ACOX3: variants seen among roughly 807,000 people sequenced by gnomAD.
The protein encoded by ACOX3 is peroxisomal acyl-coenzyme A oxidase 3.
A neutral mutation model predicts 81.5 loss-of-function variants in ACOX3; 73 were observed. The observed-to-expected ratio is 0.90, with a 90% confidence interval of 0.74 to 1.09. ACOX3 has a LOEUF of 1.09. ACOX3 is among the 50% of genes least tolerant of loss of function. ACOX3 has a pLI of 0.00. For synonymous variants in ACOX3, 387 were observed against 375.1 expected (o/e 1.03, Z -0.37); for missense variants, 947 against 928.0 (o/e 1.02, Z -0.27).
Position 8,374,973 on chromosome 4 carries a change from C to T in ACOX3, c.1828+5G>A. 6.6e-7 allele frequency: 1 copy of T among 1,504,294 alleles called. No homozygotes were observed. The highest frequency in any genetic ancestry group is 8.9e-7 in the Non-Finnish European group (1 of 1,118,318). The allele number at this position is 1,504,294 out of a possible 1,614,324, so 93.2% of individuals were successfully genotyped here. A position where few individuals can be genotyped will look rare whatever the true frequency, so the allele number is the denominator to read the frequency against. On this transcript the variant is annotated splice_donor_5th_base_variant and intron_variant, in intron 15 of 17. Transcript: ENST00000356406. ...GGACAGCAAGCCCGCAGTCAGAAGC[C>T]TCACCTCGGTAGAGCAGGGCCGCGT...
At chr4:8,434,148 T>C in intron 1 of ACOX3, among the ~76,000 whole-genome samples, 1 of 152,212 alleles carries the variant, frequency 6.6e-6, no homozygotes. Context: ...CAAAACTTTC[T>C]GTTCTGTTAG....
At chr4:8,409,616 T>TA (rs1721459981) in intron 6 of ACOX3, among the ~76,000 whole-genome samples, 1 of 68,832 alleles carries the variant, frequency 1.5e-5, no homozygotes, top group Non-Finnish European at 3.6e-5. Flanking sequence ...GTACTGTGGG[T>TA]GGGGCTGTCT....
intron 3 of ACOX3, 117 bp from the exon 4 acceptor site, chr4:8,415,045 C>T: frequency 2.1e-6 from 2 of 937,946 alleles, no homozygotes; most frequent in Non-Finnish European, 1.7e-6. Flanking sequence ...CCCTGCCACA[C>T]TGCACTTTCC....
intron 15 of ACOX3, chr4:8,374,500 C>G (rs1483581948): frequency 2.6e-5 from 4 of 154,814 alleles, no homozygotes; most frequent in Non-Finnish European, 5.7e-5. Context: ...GGAAAAACCA[C>G]CTAAAAAGCT....
At chr4:8,391,013 GTGTATATGTATA>G (rs1264364205) in intron 11 of ACOX3, among the ~76,000 whole-genome samples, 1 of 129,144 alleles carries the variant, frequency 7.7e-6, no homozygotes, top group East Asian at 2.3e-4. Context: ...GTATATGTAT[GTGTATATGTATA>G]TGTATGTGTA....
At chr4:8,401,995 C>T (rs927767605) in intron 7 of ACOX3, among the ~76,000 whole-genome samples, 3 of 152,206 alleles carry the variant, frequency 2.0e-5, no homozygotes, top group Admixed American at 2.0e-4. Context: ...GGGCTCACCC[C>T]CCTCCATGAG....
At chr4:8,388,832 C>T (rs1339390124) in intron 13 of ACOX3, among the ~76,000 whole-genome samples, 1 of 152,164 alleles carries the variant, frequency 6.6e-6, no homozygotes, top group Non-Finnish European at 1.5e-5. Context: ...ACAGCAGCAG[C>T]CCAGGCACCA....
rs1026852539 is a variant in ACOX3, at chr4:8,380,292, C to T, written c.1653+1200G>A. Among the ~76,000 whole-genome samples the T allele has an allele frequency of 6.0e-5, 9 of 150,192 alleles. No homozygotes were observed. The South Asian group carries it at 8.4e-4, about 14-fold the overall frequency. On this transcript the variant is annotated intron_variant, in intron 14 of 17. Coordinates refer to ENST00000356406, the MANE Select transcript of ACOX3 (RefSeq NM_003501.3). ...GCAACCTCCACCTTCCAGGTTCAAG[C>T]GACTCTCCTGCCTCAGCCTGCCAAG...
intron 7 of ACOX3, among the ~76,000 whole-genome samples, chr4:8,401,465 G>A (rs571424038): frequency 7.2e-5 from 11 of 152,080 alleles, no homozygotes; most frequent in South Asian, 4.2e-4. Flanking sequence ...GTGCTGGCCC[G>A]ATTCACTTTC....
Position 8,375,049 on chromosome 4 carries a change from G to A in ACOX3, c.1757C>T (p.Ala586Val). 1 of 1,554,862 alleles carries A rather than the reference G, an allele frequency of 6.4e-7. No homozygotes were observed. ...HQPSVPPSLR[A>V]VLGRLSALYA... ...CAGAGCACTGAGCCGCCCCAGCACG[G>A]CCCGCAGCGAGGGCGGCACGGAAGG... The change falls in exon 15 of 18, where the codon GCC becomes GTC. Residue 586 changes from alanine (A) to valine (V), a missense_variant. Physicochemically the swap from Ala to Val is moderately conservative, Grantham distance 64 (BLOSUM62 0). Coordinates refer to ENST00000356406, the MANE Select transcript of ACOX3 (RefSeq NM_003501.3).
chr4:8,367,436 T>C (rs762583367), intron 17 of ACOX3, among the ~76,000 whole-genome samples: 11 of 152,010 alleles, frequency 7.2e-5, no homozygotes, highest in Non-Finnish European at 1.2e-4. Flanking sequence ...TGAGCCGAGA[T>C]TGCACCACTG....
intron 1 of ACOX3, among the ~76,000 whole-genome samples, chr4:8,425,952 A>G (rs1723440933): frequency 6.6e-6 from 1 of 152,068 alleles, no homozygotes; most frequent in Admixed American, 6.6e-5. Context: ...AAAATGAACG[A>G]AACACTCAAA....
chr4:8,361,425 C>CCAAAA (rs1560158854), downstream of ACOX3, among the ~76,000 whole-genome samples: 1 of 39,034 alleles, frequency 2.6e-5, no homozygotes, highest in South Asian at 1.3e-3. Flanking sequence ...GACTCTATCT[C>CCAAAA]AAAAAAAAAA....
At chr4:8,398,368 A>G (rs1719953906) in intron 8 of ACOX3, among the ~76,000 whole-genome samples, 2 of 152,198 alleles carry the variant, frequency 1.3e-5, no homozygotes, top group African/African-American at 4.8e-5. Context: ...GGGTACGTGC[A>G]TAGGTGCTTC....
chr4:8,389,408 G>A lies in ACOX3; in HGVS notation c.1424-122C>T. 2 of 1,257,564 alleles carry A rather than the reference G, an allele frequency of 1.6e-6. No homozygotes were observed. Among genetic ancestry groups the A allele is most frequent in the South Asian group, 2.8e-5 (2 of 71,500 alleles). 77.9% of individuals were successfully genotyped at this position (1,257,564 alleles called of 1,614,324 possible). A position where few individuals can be genotyped will look rare whatever the true frequency, so the allele number is the denominator to read the frequency against. On this transcript the variant is annotated intron_variant, in intron 12 of 17. Coordinates refer to ENST00000356406, the MANE Select transcript of ACOX3 (RefSeq NM_003501.3). This position sits in a 1 kb window ranked among gnomAD's most constrained non-coding sequence, Gnocchi z 5.3. ...AGGACCCGACGGCCACAGACCCACA[G>A]GCGAGGGTCTGGGTCTCAAGGACCC...
chr4:8,365,029 A>G (rs890888678), downstream of ACOX3, among the ~76,000 whole-genome samples: 4 of 152,082 alleles, frequency 2.6e-5, no homozygotes. Flanking sequence ...TAGGTAAAGG[A>G]GCCGTCCACA....
rs753749133 is a variant in ACOX3 at position 8,389,148 on chromosome 4, G to A, written c.1537+25C>T. The A allele has an allele frequency of 6.3e-7, 1 of 1,584,562 alleles. No homozygotes were observed. Among genetic ancestry groups the A allele is most frequent in the Non-Finnish European group, 8.7e-7 (1 of 1,154,378 alleles). On this transcript the variant is annotated intron_variant, in intron 13 of 17. Coordinates refer to ENST00000356406, the MANE Select transcript of ACOX3 (RefSeq NM_003501.3). This position sits in a 1 kb window ranked among gnomAD's most constrained non-coding sequence, Gnocchi z 5.3. ...GAATGACAGGAAATCAGGAGGCCAG[G>A]GGAGCCCTCCACCTGTGTGTTTACC...
intron 8 of ACOX3, among the ~76,000 whole-genome samples, chr4:8,397,581 G>A (rs1176428539): frequency 1.3e-5 from 2 of 152,244 alleles, no homozygotes; most frequent in South Asian, 2.1e-4. Flanking sequence ...CTGTGAACAG[G>A]CAGTTCCTTT....
chr4:8,440,002 A>AAAT (rs202240253), intron 1 of ACOX3, among the ~76,000 whole-genome samples: 2 of 152,228 alleles, frequency 1.3e-5, no homozygotes, highest in African/African-American at 2.4e-5. Flanking sequence ...GAGTTAAAAA[A>AAAT]AATAATAATA....
Sources: gnomAD v4.1 joint callset for allele counts (sites outside exome capture counted in the v4.1 genomes callset) on GRCh38, gnomAD v4.1.1 for gene constraint, Gnocchi (gnomAD v3.1) non-coding constraint, MANE v1.5 for transcripts, NCBI Gene and HGNC (gene_info 2026-07-23, HGNC 2026-07-21) for gene names.